CDC14B: variants seen among roughly 807,000 people sequenced by gnomAD.
CDC14B encodes the protein dual specificity protein phosphatase CDC14B.
CDC14B carries 22 observed loss-of-function variants against 64.2 expected under a neutral mutation model. The ratio of observed to expected loss-of-function variants is 0.34; its 90% CI spans 0.24 to 0.49. The LOEUF is 0.49. Ranked by LOEUF, CDC14B falls within the 20% of genes least tolerant of loss-of-function variation. The pLI is 0.99. For missense variants in CDC14B, 498 were observed against 629.9 expected (o/e 0.79, Z 2.24); for synonymous variants, 191 against 215.8 (o/e 0.89, Z 1.01).
chr9:96,519,027 T>C (rs2131467345), intron 12 of CDC14B, among the ~76,000 whole-genome samples: 1 of 151,960 alleles, frequency 6.6e-6, no homozygotes, highest in South Asian at 2.1e-4. Context: ...TCCCAGCTAC[T>C]TGGGAGGCTG....
At chr9:96,595,224 T>C (rs1054599014) in intron 1 of CDC14B, among the ~76,000 whole-genome samples, 2 of 152,198 alleles carry the variant, frequency 1.3e-5, no homozygotes, top group African/African-American at 4.8e-5. Context: ...AAGCAAGACC[T>C]GAAAGTATCA....
chr9:96,562,866 T>C (rs2132276519), intron 3 of CDC14B, 81 bp from the exon 4 acceptor site: 1 of 920,160 alleles, frequency 1.1e-6, no homozygotes, highest in East Asian at 2.4e-5. Flanking sequence ...GAAGATCAAT[T>C]CCAAATCCCA....
intron 4 of CDC14B, among the ~76,000 whole-genome samples, chr9:96,561,581 A>G (rs1382126683): frequency 6.6e-6 from 1 of 151,380 alleles, no homozygotes; most frequent in East Asian, 2.0e-4. Context: ...CGGGTTCACG[A>G]CGTTCTCTTC....
exon 14 of CDC14B, chr9:96,493,192 C>G (rs1183746845): frequency 6.6e-6 from 1 of 152,496 alleles, no homozygotes; most frequent in South Asian, 2.1e-4. Context: ...AGGAGCTGCC[C>G]GTGCCTGCCC....
chr9:96,598,496 C>T (rs1846228849), intron 1 of CDC14B, among the ~76,000 whole-genome samples: 1 of 152,144 alleles, frequency 6.6e-6, no homozygotes, highest in Non-Finnish European at 1.5e-5. Flanking sequence ...GCCACTACAC[C>T]CAGCTAATTT....
chr9:96,495,391 G>C (rs1223706825), downstream of CDC14B, among the ~76,000 whole-genome samples: 1 of 140,084 alleles, frequency 7.1e-6, no homozygotes, highest in South Asian at 2.5e-4. Flanking sequence ...CATGTGTGCT[G>C]CCCCCCCCCG....
intron 1 of CDC14B, among the ~76,000 whole-genome samples, chr9:96,619,012 C>G (rs1160521693): frequency 2.0e-5 from 3 of 151,788 alleles, no homozygotes; most frequent in Non-Finnish European, 4.4e-5. Flanking sequence ...AGCTCGCAGC[C>G]CACGCAGCTA....
At chr9:96,534,887 T>G (rs1839060551) in intron 7 of CDC14B, among the ~76,000 whole-genome samples, 1 of 152,174 alleles carries the variant, frequency 6.6e-6, no homozygotes, top group South Asian at 2.1e-4. Flanking sequence ...CAAGCAAACT[T>G]TTCCAGTATA....
intron 1 of CDC14B, among the ~76,000 whole-genome samples, chr9:96,577,998 CAG>C (rs376697588): frequency 3.8e-4 from 58 of 152,224 alleles, no homozygotes; most frequent in African/African-American, 1.4e-3. Flanking sequence ...GGAAGAAAAA[CAG>C]AGTAAATACA....
intron 1 of CDC14B, chr9:96,566,655 G>A (rs1844004669): frequency 2.0e-6 from 2 of 1,004,884 alleles, no homozygotes; most frequent in South Asian, 1.5e-5. Context: ...CCACACGCAG[G>A]AGACAAGGGC....
In CDC14B at chr9:96,503,594, T is replaced by C. The variant is rs1833739152; in HGVS notation, c.*159A>G. On this transcript the variant is annotated 3_prime_UTR_variant, in exon 14 of 14. Transcript: ENST00000375241. Reference sequence around the variant, plus strand: ...TGCTTGCACCCAAACTCAAAGTTCATTATTCAAACTCCAGTGGACATTTTC... The same window carrying C: ...TGCTTGCACCCAAACTCAAAGTTCACTATTCAAACTCCAGTGGACATTTTC... The C allele has an allele frequency of 1.6e-6, 1 of 634,406 alleles. No homozygotes were observed. Among genetic ancestry groups the C allele is most frequent in the Non-Finnish European group, 2.8e-6 (1 of 361,578 alleles). The allele number at this position is 634,406 out of a possible 1,614,324, so 39.3% of individuals were successfully genotyped here. A position where few individuals can be genotyped will look rare whatever the true frequency, so the allele number is the denominator to read the frequency against.
chr9:96,515,792 T>C lies in CDC14B; in HGVS notation c.1344-6003A>G. 6.3e-7 allele frequency: 1 copy of C among 1,591,836 alleles called. No individual in the cohort carries two copies. Among genetic ancestry groups the C allele is most frequent in the Non-Finnish European group, 8.5e-7 (1 of 1,170,082 alleles). ...CAGAGGTCAGCACAGCTAGGGGACA[T>C]CTGGAAAGGGGTGAAGGGGAAAGAA... On this transcript the variant is annotated intron_variant, in intron 12 of 13. Transcript: ENST00000375241. The surrounding 1 kb of genome is among the most constrained non-coding windows in gnomAD (Gnocchi z 4.3).
chr9:96,566,098 T>C (rs911406996), intron 1 of CDC14B, among the ~76,000 whole-genome samples: 8 of 152,178 alleles, frequency 5.3e-5, no homozygotes, highest in African/African-American at 1.7e-4. Context: ...GGGTCTGAGA[T>C]GAACTTGTGT....
chr9:96,571,359 A>G (rs1844462257), intron 1 of CDC14B, among the ~76,000 whole-genome samples: 1 of 152,004 alleles, frequency 6.6e-6, no homozygotes, highest in African/African-American at 2.4e-5. Flanking sequence ...TATTTTTAGT[A>G]CAGATGGGGT....
At chr9:96,523,238 C>A in intron 11 of CDC14B, 23 bp downstream of exon 11, 1 of 1,612,422 alleles carries the variant, frequency 6.2e-7, no homozygotes, top group Non-Finnish European at 8.5e-7. Flanking sequence ...GTAACAACAT[C>A]GCAACAGAAA....
At position 96,619,227 on chromosome 9, in the gene CDC14B, TC is replaced by T; in HGVS notation, c.151del (p.Asp51ThrfsTer26). On this transcript the variant is annotated frameshift_variant, in exon 1 of 14. Transcript: ENST00000375241. Reference protein sequence around the residue: ...RRDPQDDVYLDITDRLCFAIL... With the variant: ...RRDPQDDVYLXITDRLCFAIL... Reference sequence around the variant, plus strand: ...CCCACTGGCCGGCTCACCGGTGATGTCCAGGTACACGTCGTCCTGGGGGTCC... The same window carrying T: ...CCCACTGGCCGGCTCACCGGTGATGTCAGGTACACGTCGTCCTGGGGGTCC... The T allele has an allele frequency of 7.5e-7, 1 of 1,336,380 alleles. No individual in the cohort carries two copies. The highest frequency in any genetic ancestry group is 3.0e-5 in the Admixed American group (1 of 33,652). 82.8% of individuals were successfully genotyped at this position (1,336,380 alleles called of 1,614,324 possible).
chr9:96,612,968 A>C (rs1847412278), intron 1 of CDC14B, among the ~76,000 whole-genome samples: 1 of 152,216 alleles, frequency 6.6e-6, no homozygotes, highest in Non-Finnish European at 1.5e-5. Flanking sequence ...TTTTCCTCAA[A>C]TTCAGTAGGT....
intron 13 of CDC14B, among the ~76,000 whole-genome samples, chr9:96,494,117 A>T (rs1000050285): frequency 6.6e-6 from 1 of 152,240 alleles, no homozygotes; most frequent in African/African-American, 2.4e-5. Flanking sequence ...GTCATTTTAC[A>T]GTCAGGCAAG....
chr9:96,556,148 G>T (rs935584335), intron 4 of CDC14B, among the ~76,000 whole-genome samples: 11 of 152,016 alleles, frequency 7.2e-5, no homozygotes, highest in African/African-American at 2.7e-4. Flanking sequence ...GAACCCAAAC[G>T]TTACACAAGT....
Sources: allele counts gnomAD v4.1 joint callset (sites outside exome capture counted in the v4.1 genomes callset), GRCh38; gene constraint gnomAD v4.1.1; non-coding constraint Gnocchi (gnomAD v3.1); transcripts MANE v1.5; gene names NCBI Gene and HGNC (gene_info 2026-07-23, HGNC 2026-07-21).